Variants in PIF1 observed in about 807,000 individuals in gnomAD.
PIF1 encodes the protein PIF1 5'-to-3' DNA helicase.
Under a neutral mutation model 62.3 loss-of-function variants are expected in PIF1, and 67 were observed. The ratio of observed to expected loss-of-function variants is 1.08; its 90% confidence interval spans 0.88 to 1.32. PIF1 has a LOEUF of 1.32. PIF1 is among the 40% of genes most tolerant of loss of function. The pLI, the probability that PIF1 is intolerant of heterozygous loss-of-function variation, is 0.00. For missense variants in PIF1, 886 were observed against 866.1 expected, an observed-to-expected ratio of 1.02 and a Z score of -0.29; for synonymous variants, 364 against 379.5, an observed-to-expected ratio of 0.96 and a Z score of 0.47.
rs1400581604 is a variant in PIF1 at position 64,819,972 on chromosome 15, A to G, written c.1208T>C (p.Val403Ala). The G allele has an allele frequency of 6.2e-7, 1 of 1,613,792 alleles. No homozygotes were observed. Among genetic ancestry groups the G allele is most frequent in the East Asian group, 2.2e-5 (1 of 44,874 alleles). ...AVRLGRCSDEVTRQLQATASH... is the reference protein window; with the variant it reads ...AVRLGRCSDEATRQLQATASH... ...AGCTGTGGCCTGGAGCTGGCGGGTC[A>G]CCTCATCTGAACACCTGTTGGGGCT... Residue 403 changes from valine to alanine, a missense_variant, in exon 8 of 13, where the codon GTG (valine) becomes GCG (alanine). Physicochemically the swap from Val to Ala is moderately conservative, Grantham distance 64. Coordinates refer to ENST00000559239, the MANE Select transcript of PIF1 (RefSeq NM_001286496.2).
At position 64,823,967 on chromosome 15, in the gene PIF1, C is replaced by T. The variant is rs1595818484; in HGVS notation, c.369G>A (p.Lys123=). The T allele has an allele frequency of 1.5e-6, 2 of 1,303,748 alleles. No individual in the cohort carries two copies. The highest frequency in any genetic ancestry group is 2.0e-6 in the Non-Finnish European group (2 of 1,024,958). The allele number at this position is 1,303,748 out of a possible 1,614,324, so 80.8% of individuals were successfully genotyped here. Residue 123 remains lysine (K), a synonymous_variant, in exon 2 of 13, where the codon AAG becomes AAA. Coordinates refer to ENST00000559239, the MANE Select transcript of PIF1 (RefSeq NM_001286496.2). ...LRRFLRTLRL[K]LAAAPGPGPA... Reference sequence around the variant, plus strand: ...GCCCGGGACCCGGGGCCGCAGCCAGCTTGAGGCGCAATGTGCGCAGGAAGC... The same window carrying T: ...GCCCGGGACCCGGGGCCGCAGCCAGTTTGAGGCGCAATGTGCGCAGGAAGC...
At chr15:64,821,906 AT>A (rs1163466709) in intron 4 of PIF1, 14 of 277,300 alleles carry the variant, frequency 5.0e-5, no homozygotes, top group East Asian at 2.1e-4. Context: ...TGCCTGGCTA[AT>A]TTTTTTGTAT....
At position 64,819,986 on chromosome 15, in the gene PIF1, C is replaced by T. The variant is rs770048027; in HGVS notation, c.1194G>A (p.Arg398=). The T allele has an allele frequency of 6.2e-7, 1 of 1,613,220 alleles. No homozygotes were observed. The highest frequency in any genetic ancestry group is 8.5e-7 in the Non-Finnish European group (1 of 1,179,574). ...ISLLQAVRLG[R]CSDEVTRQLQ... is the part of the protein sequence containing the mutation. Reference sequence around the variant, plus strand: ...GCTGGCGGGTCACCTCATCTGAACACCTGTTGGGGCTGGACTGTCAGGGCA... The same window carrying T: ...GCTGGCGGGTCACCTCATCTGAACATCTGTTGGGGCTGGACTGTCAGGGCA... The change falls in exon 8 of 13, where the codon AGG becomes AGA. Residue 398 remains arginine, a splice_region_variant and synonymous_variant. Transcript: ENST00000559239.
Position 64,815,820 on chromosome 15 carries a change from T to C in PIF1, c.*478A>G, listed in dbSNP as rs547496460. 1.9e-6 allele frequency: 3 copies of C among 1,550,642 alleles called. No homozygotes were observed. The Admixed American group carries it at 5.9e-5, about 30-fold the overall frequency. On this transcript the variant is annotated 3_prime_UTR_variant, in exon 13 of 13. Transcript: ENST00000559239. ...TGGGCTGGGCTAGGCTGGGCCTAGC[T>C]GTAGAGACACACCTAAGTTCCGTTC...
Position 64,822,518 on chromosome 15 carries a change from G to T in PIF1, c.651C>A (p.Ala217=), listed in dbSNP as rs371480665. ...AGAAGATGCTCTGGCCTTTCAGGAC[G>T]GCCCTCAGCACAGCAGCCTGTTCCT... ...LSEEQAAVLR[A]VLKGQSIFFT... Residue 217 remains alanine (A), a synonymous_variant, in exon 3 of 13, where the codon GCC becomes GCA. Transcript: ENST00000559239. 53 of 1,613,526 alleles carry T rather than the reference G, an allele frequency of 3.3e-5. No homozygotes were observed. The highest frequency in any genetic ancestry group is 1.6e-4 in the East Asian group (7 of 44,842).
intron 3 of PIF1, 33 bp from the exon 4 acceptor site, chr15:64,822,424 G>A (rs1305345622): frequency 1.2e-6 from 2 of 1,614,154 alleles, no homozygotes; most frequent in Non-Finnish European, 1.7e-6. Context: ...AGGTCTCCCT[G>A]TTCCTCTATC....
Position 64,823,910 on chromosome 15 carries a change from C to T in PIF1, c.426G>A (p.Pro142=), listed in dbSNP as rs569269488. The change falls in exon 2 of 13, where the codon CCG becomes CCA. Residue 142 remains proline, a synonymous_variant. Coordinates refer to ENST00000559239, the MANE Select transcript of PIF1 (RefSeq NM_001286496.2). ...PASARAQLLG[P]RPRDFVTISP... is the part of the protein sequence containing the mutation. Reference sequence around the variant, plus strand: ...TGATGGTGACGAAGTCGCGGGGCCGCGGGCCCAGCAGCTGCGCTCGGGCGG... The same window carrying T: ...TGATGGTGACGAAGTCGCGGGGCCGTGGGCCCAGCAGCTGCGCTCGGGCGG... 2.0e-5 allele frequency: 27 copies of T among 1,356,282 alleles called. 1 individual carries two copies. In the East Asian group the frequency reaches 5.7e-4, roughly 29 times the overall value. 84.0% of individuals were successfully genotyped at this position (1,356,282 alleles called of 1,614,324 possible).
chr15:64,824,760 T>G (rs1374303201), intron 1 of PIF1, among the ~76,000 whole-genome samples: 1 of 150,570 alleles, frequency 6.6e-6, no homozygotes. Context: ...AGAAGGAAGA[T>G]CGCTTGAGCC....
Position 64,815,992 on chromosome 15 carries a change from C to A in PIF1, c.*306G>T. On this transcript the variant is annotated 3_prime_UTR_variant, in exon 13 of 13. Coordinates refer to ENST00000559239, the MANE Select transcript of PIF1 (RefSeq NM_001286496.2). ...AGGACTCTGCAGCTCTGTGTCCAGC[C>A]CTTGCAGAGAGCTTTGTCCTCTGAC... is the stretch of plus-strand genomic sequence containing the variant. 6.6e-7 allele frequency: 1 copy of A among 1,511,206 alleles called. No individual in the cohort carries two copies. The allele number at this position is 1,511,206 out of a possible 1,614,324, so 93.6% of individuals were successfully genotyped here.
intron 3 of PIF1, 30 bp from the exon 4 acceptor site, chr15:64,822,421 C>T: frequency 6.2e-7 from 1 of 1,614,154 alleles, no homozygotes; most frequent in Non-Finnish European, 8.5e-7. Flanking sequence ...GACAGGTCTC[C>T]CTGTTCCTCT....
rs1016854824 is a variant in PIF1 at position 64,822,667 on chromosome 15, C to T, written c.559-57G>A. On this transcript the variant is annotated intron_variant, in intron 2 of 12. Coordinates refer to ENST00000559239, the MANE Select transcript of PIF1 (RefSeq NM_001286496.2). ...TCCCACCCGCTAGGCATTGCCCCCA[C>T]CCTTCTTGGCCCATGTGCAATGCTG... 3.0e-5 allele frequency: 48 copies of T among 1,603,698 alleles called. No homozygotes were observed. The African/African-American group carries it at 6.2e-4, about 21-fold the overall frequency.
At chr15:64,826,761 A>AT (rs1244746510), upstream of PIF1, among the ~76,000 whole-genome samples, 8 of 144,864 alleles carry the variant, frequency 5.5e-5, no homozygotes, top group African/African-American at 1.0e-4. Flanking sequence ...TATATATATA[A>AT]TTTTTTTTTC....
intron 12 of PIF1, 90 bp from the exon 13 acceptor site, chr15:64,816,447 C>T: frequency 6.2e-7 from 1 of 1,601,522 alleles, no homozygotes; most frequent in Non-Finnish European, 8.5e-7. Context: ...CTTTTGCCCT[C>T]ACCCCTAAAG....
rs2084213714 is a variant in PIF1 at position 64,817,943 on chromosome 15, C to G, written c.1674+3G>C. On this transcript the variant is annotated splice_donor_region_variant and intron_variant, in intron 11 of 12. Coordinates refer to ENST00000559239, the MANE Select transcript of PIF1 (RefSeq NM_001286496.2). ...TGTCCCTGCCCCCCACACCGGTGCT[C>G]ACTTGGCTCTTGTGGATGGACATCG... is the stretch of plus-strand genomic sequence containing the variant. 2 of 1,610,216 alleles carry G rather than the reference C, an allele frequency of 1.2e-6. No individual in the cohort carries two copies. Among genetic ancestry groups the G allele is most frequent in the Admixed American group, 3.4e-5 (2 of 58,618 alleles).
chr15:64,821,654 C>G, intron 4 of PIF1, 134 bp from the exon 5 acceptor site: 1 of 1,103,068 alleles, frequency 9.1e-7, no homozygotes, highest in Non-Finnish European at 1.2e-6. Context: ...TCACTGTAAC[C>G]TGGGCCTCAT....
chr15:64,826,661 TATATACACACAC>T (rs1225802112), upstream of PIF1, among the ~76,000 whole-genome samples: 1 of 26,588 alleles, frequency 3.8e-5, no homozygotes, highest in African/African-American at 1.0e-4. Flanking sequence ...TATATATATA[TATATACACACAC>T]ACACACATAT....
chr15:64,817,512 C>T (rs2141105073), intron 11 of PIF1, among the ~76,000 whole-genome samples: 1 of 151,358 alleles, frequency 6.6e-6, no homozygotes, highest in South Asian at 2.1e-4. Flanking sequence ...TGCACTCCAG[C>T]CTGGGCGACA....
In PIF1 at chr15:64,820,990, C is replaced by A. The variant is rs1185118974; in HGVS notation, c.1185G>T (p.Arg395Ser). The A allele has an allele frequency of 6.2e-7, 1 of 1,613,860 alleles. No individual in the cohort carries two copies. The highest frequency in any genetic ancestry group is 8.5e-7 in the Non-Finnish European group (1 of 1,179,856). Reference sequence around the variant, plus strand: ...CAACCAGCAGAGCTCACCTGCCTAGCCTCACGGCCTGCAGTAGAGAGATGA... The same window carrying A: ...CAACCAGCAGAGCTCACCTGCCTAGACTCACGGCCTGCAGTAGAGAGATGA... ...QTFISLLQAV[R>S]LGRCSDEVTR... Residue 395 changes from arginine to serine, a missense_variant, in exon 7 of 13, where the codon AGG (arginine) becomes AGT (serine). Transcript: ENST00000559239.
chr15:64,822,410 A>T lies in PIF1; in HGVS notation c.692-19T>A. 2.5e-6 allele frequency: 4 copies of T among 1,614,152 alleles called. No homozygotes were observed. The highest frequency in any genetic ancestry group is 2.5e-6 in the Non-Finnish European group (3 of 1,180,000). On this transcript the variant is annotated intron_variant, in intron 3 of 12. Coordinates refer to ENST00000559239, the MANE Select transcript of PIF1 (RefSeq NM_001286496.2). ...CCTGTTCCTGGACAGGGGCAAAGTT[A>T]GACAGGTCTCCCTGTTCCTCTATCC...
Sources: gnomAD v4.1 joint callset for allele counts (sites outside exome capture counted in the v4.1 genomes callset) on GRCh38, gnomAD v4.1.1 for gene constraint, MANE v1.5 for transcripts, NCBI Gene and HGNC (gene_info 2026-07-23, HGNC 2026-07-21) for gene names.